The following EPHB1 variants were observed in gnomAD, a reference collection of about 807,000 sequenced individuals.
The protein encoded by EPHB1 is EPH receptor B1, also known as ephrin type-B receptor 1.
A neutral mutation model predicts 94.4 loss-of-function variants in EPHB1; 30 were observed. The ratio of observed to expected loss-of-function variants is 0.32; its 90% CI spans 0.24 to 0.43. The LOEUF is 0.43. Among genes scored for constraint, EPHB1 ranks in the 20% least tolerant of loss-of-function variants. The pLI is 1.00. For synonymous variants in EPHB1, 522 were observed against 489.1 expected, an observed-to-expected ratio of 1.07 and a Z score of -0.89; for missense variants, 1,055 against 1,308.3, an observed-to-expected ratio of 0.81 and a Z score of 2.99.
At chr3:134,950,072 A>G (rs1413113237) in intron 2 of EPHB1, among the ~76,000 whole-genome samples, 1 of 152,256 alleles carries the variant, frequency 6.6e-6, no homozygotes, top group Non-Finnish European at 1.5e-5. Context: ...TAGCCATATA[A>G]GCATGGGTGA....
intron 1 of EPHB1, among the ~76,000 whole-genome samples, chr3:134,914,712 A>G (rs1051189988): frequency 5.9e-5 from 9 of 152,190 alleles, no homozygotes; most frequent in African/African-American, 2.2e-4. Context: ...TCTGTTTACA[A>G]AGGTTCACAG....
At chr3:135,110,664 G>A (rs2107800867) in intron 4 of EPHB1, among the ~76,000 whole-genome samples, 1 of 152,352 alleles carries the variant, frequency 6.6e-6, no homozygotes, top group East Asian at 1.9e-4. Flanking sequence ...CATGACCTCA[G>A]TGATGTTGCA....
At chr3:135,228,360 G>T (rs1404637930) in intron 12 of EPHB1, among the ~76,000 whole-genome samples, 1 of 152,048 alleles carries the variant, frequency 6.6e-6, no homozygotes, top group African/African-American at 2.4e-5. Flanking sequence ...CCCTTCTTAG[G>T]GTATTGCTTC....
intron 1 of EPHB1, among the ~76,000 whole-genome samples, chr3:134,873,045 A>G (rs61688756): frequency 0.43 from 65,053 of 152,132 alleles, 15,747 homozygotes; most frequent in African/African-American, 0.67. Context: ...TAGATGTTTG[A>G]TACATCACCT....
At chr3:135,040,963 C>G (rs1310722572) in intron 3 of EPHB1, among the ~76,000 whole-genome samples, 1 of 152,186 alleles carries the variant, frequency 6.6e-6, no homozygotes, top group Non-Finnish European at 1.5e-5. Flanking sequence ...GAGCGTCCAG[C>G]TGCAGAAGGC....
intron 1 of EPHB1, among the ~76,000 whole-genome samples, chr3:134,872,462 T>C (rs998763555): frequency 3.9e-5 from 6 of 152,244 alleles, no homozygotes; most frequent in African/African-American, 1.4e-4. Context: ...GAATTTGCCA[T>C]TTTCATGCAA....
intron 3 of EPHB1, among the ~76,000 whole-genome samples, chr3:135,029,863 A>G (rs913029647): frequency 2.6e-5 from 4 of 152,104 alleles, no homozygotes; most frequent in African/African-American, 9.6e-5. Context: ...AGGTATACCA[A>G]TCAGAGGTAG....
intron 2 of EPHB1, among the ~76,000 whole-genome samples, chr3:134,929,406 A>T (rs902825156): frequency 5.3e-5 from 8 of 152,268 alleles, no homozygotes; most frequent in African/African-American, 1.9e-4. Context: ...TATGGCAAGG[A>T]GTAAGAGCTG....
intron 12 of EPHB1, among the ~76,000 whole-genome samples, chr3:135,229,803 C>T (rs988310890): frequency 1.3e-5 from 2 of 152,168 alleles, no homozygotes; most frequent in Non-Finnish European, 1.5e-5. Context: ...TATTGCCTGC[C>T]GTAGCAAGTG....
Position 134,912,530 on chromosome 3 carries a change from C to T in EPHB1, c.59-13286C>T, listed in dbSNP as rs2038475387. Among the ~76,000 whole-genome samples the T allele has an allele frequency of 3.9e-5, 6 of 152,254 alleles. No individual in the cohort carries two copies. The South Asian group carries it at 1.0e-3, about 26-fold the overall frequency. On this transcript the variant is annotated intron_variant, in intron 1 of 15. Coordinates refer to ENST00000398015, the MANE Select transcript of EPHB1 (RefSeq NM_004441.5). ...GTGTGGTTCTTTCCTTTCCTGGCCT[C>T]TGCCTCTCTCTCTCTCTTTGCTGCT...
chr3:135,152,208 G>T (rs1440002829), intron 5 of EPHB1, among the ~76,000 whole-genome samples: 1 of 152,130 alleles, frequency 6.6e-6, no homozygotes, highest in Non-Finnish European at 1.5e-5. Flanking sequence ...AGTTTCCTTA[G>T]ATATTTGACA....
At chr3:135,045,504 ATAT>A (rs1019755228) in intron 3 of EPHB1, among the ~76,000 whole-genome samples, 2 of 152,204 alleles carry the variant, frequency 1.3e-5, no homozygotes, top group African/African-American at 4.8e-5. Flanking sequence ...TTTTCATGGA[ATAT>A]TATTTTTCCT....
chr3:135,210,803 CT>C (rs951316862), intron 12 of EPHB1, among the ~76,000 whole-genome samples: 12 of 152,162 alleles, frequency 7.9e-5, no homozygotes, highest in African/African-American at 2.9e-4. Flanking sequence ...CCCTGCTCAA[CT>C]TTGGTCATTT....
At chr3:135,138,950 C>A (rs1169562304) in intron 5 of EPHB1, among the ~76,000 whole-genome samples, 3 of 152,332 alleles carry the variant, frequency 2.0e-5, no homozygotes, top group Middle Eastern at 6.8e-3. Flanking sequence ...GGCACTGCCC[C>A]TGACCAATGT....
At chr3:135,000,634 G>T (rs970038809) in intron 3 of EPHB1, among the ~76,000 whole-genome samples, 1 of 152,178 alleles carries the variant, frequency 6.6e-6, no homozygotes, top group African/African-American at 2.4e-5. Context: ...ACCGTGTCCT[G>T]GGGTTGGCAT....
At chr3:134,889,951 T>C (rs2037943234) in intron 1 of EPHB1, among the ~76,000 whole-genome samples, 1 of 152,198 alleles carries the variant, frequency 6.6e-6, no homozygotes, top group East Asian at 1.9e-4. Context: ...ACTTATTTAT[T>C]TTATATTAAA....
intron 11 of EPHB1, 25 bp from the exon 12 acceptor site, chr3:135,201,449 C>T (rs377072397): frequency 3.7e-6 from 6 of 1,612,092 alleles, no homozygotes; most frequent in Admixed American, 3.3e-5. Flanking sequence ...GTCTTGATCC[C>T]AATGCCCTCT....
intron 1 of EPHB1, among the ~76,000 whole-genome samples, chr3:134,924,094 A>T (rs115965997): frequency 6.6e-6 from 1 of 152,220 alleles, no homozygotes; most frequent in African/African-American, 2.4e-5. Context: ...ACATCAAGAA[A>T]AAAGCACATT....
At chr3:135,032,248 T>A (rs1936498082) in intron 3 of EPHB1, among the ~76,000 whole-genome samples, 1 of 151,288 alleles carries the variant, frequency 6.6e-6, no homozygotes, top group African/African-American at 2.4e-5. Flanking sequence ...TCTTTTATTT[T>A]TTTTTTTAAA....
Sources: gnomAD v4.1 joint callset for allele counts (sites outside exome capture counted in the v4.1 genomes callset) on GRCh38, gnomAD v4.1.1 for gene constraint, MANE v1.5 for transcripts, NCBI Gene and HGNC (gene_info 2026-07-23, HGNC 2026-07-21) for gene names.